Variants in IQSEC1 observed in about 807,000 individuals in gnomAD.
The protein encoded by IQSEC1 is IQ motif and SEC7 domain-containing protein 1.
In IQSEC1, 31 loss-of-function variants were observed where a neutral mutation model predicts 91.0. That is an observed-to-expected ratio of 0.34 (90% CI 0.26 to 0.46). The LOEUF (loss-of-function observed/expected upper bound fraction) is 0.46, where lower values mean the gene tolerates loss of function less well. Ranked by LOEUF, IQSEC1 falls within the 20% of genes least tolerant of loss-of-function variation. The pLI is 1.00. For missense variants in IQSEC1, 1,388 were observed against 1,575.6 expected (o/e 0.88, Z 2.02); for synonymous variants, 699 against 662.6 (o/e 1.05, Z -0.84).
intron 1 of IQSEC1, among the ~76,000 whole-genome samples, chr3:13,071,567 T>C (rs1164837263): frequency 2.0e-5 from 3 of 152,116 alleles, no homozygotes; most frequent in Admixed American, 1.3e-4. Context: ...TGGGAAAGGA[T>C]TTACTATTTG....
At chr3:13,142,921 T>G (rs915654954) in intron 2 of IQSEC1, among the ~76,000 whole-genome samples, 1 of 152,230 alleles carries the variant, frequency 6.6e-6, no homozygotes, top group African/African-American at 2.4e-5. Context: ...GTGCACCAGC[T>G]GCCCCTGCCT....
At chr3:13,067,947 C>A (rs995664779) in intron 1 of IQSEC1, among the ~76,000 whole-genome samples, 1 of 152,240 alleles carries the variant, frequency 6.6e-6, no homozygotes, top group Non-Finnish European at 1.5e-5. Context: ...CAACAAAGGG[C>A]CTCCAGGGAG....
At chr3:13,277,234 G>A (rs1424803350) in intron 1 of IQSEC1, among the ~76,000 whole-genome samples, 2 of 149,956 alleles carry the variant, frequency 1.3e-5, no homozygotes, top group Non-Finnish European at 3.0e-5. Context: ...AAACGCTGAT[G>A]TCCCCAAATG....
intron 1 of IQSEC1, among the ~76,000 whole-genome samples, chr3:13,222,282 G>T (rs2125076553): frequency 6.6e-6 from 1 of 152,204 alleles, no homozygotes; most frequent in East Asian, 1.9e-4. Flanking sequence ...TGTCGTCCAG[G>T]TTCATCCCTG....
intron 2 of IQSEC1, among the ~76,000 whole-genome samples, chr3:13,151,251 C>T (rs982706458): frequency 2.0e-5 from 3 of 152,092 alleles, no homozygotes; most frequent in Admixed American, 6.5e-5. Context: ...GAGAGGTGGA[C>T]GATGCTATCG....
chr3:13,095,954 G>C (rs1030925246), intron 2 of IQSEC1, among the ~76,000 whole-genome samples: 1 of 152,156 alleles, frequency 6.6e-6, no homozygotes, highest in African/African-American at 2.4e-5. Flanking sequence ...CATTTGGAAG[G>C]CATCATGATG....
rs573597856 is a variant in IQSEC1 at position 13,016,568 on chromosome 3, G to A, written c.23+56424C>T. Among the ~76,000 whole-genome samples, 42 of 152,176 alleles carry A rather than the reference G, an allele frequency of 2.8e-4. No individual in the cohort carries two copies. In the South Asian group the frequency reaches 3.3e-3, roughly 12 times the overall value. On this transcript the variant is annotated intron_variant, in intron 1 of 13. Transcript: ENST00000613206. ...CGGGGACTGCTCCTCCCGCCCTCTC[G>A]ACTCCTGCCAGCCTCCTCCTCTGTG... is the stretch of plus-strand genomic sequence containing the variant.
rs551263289 is a variant in IQSEC1 at position 13,139,479 on chromosome 3, C to A, written c.302+24625G>T. 5.3e-5 allele frequency among the ~76,000 whole-genome samples: 8 copies of A among 152,316 alleles called. 2 individuals are homozygous for A. The South Asian group carries it at 1.7e-3, about 32-fold the overall frequency. On this transcript the variant is annotated intron_variant, in intron 2 of 15. Coordinates refer to the IQSEC1 transcript ENST00000648114. ...CACTTCCCTCCCTAAGGCAGAAGAC[C>A]CCTGAGGGGCCACAGTCCCTAATCA...
intron 1 of IQSEC1, among the ~76,000 whole-genome samples, chr3:13,058,025 T>C (rs964183054): frequency 9.2e-5 from 14 of 152,120 alleles, no homozygotes; most frequent in Admixed American, 7.2e-4. Flanking sequence ...ATAATCCCCA[T>C]ACTTTGGGAG....
chr3:13,114,618 C>G (rs973866538), intron 2 of IQSEC1, among the ~76,000 whole-genome samples: 5 of 151,828 alleles, frequency 3.3e-5, no homozygotes, highest in African/African-American at 1.2e-4. Context: ...ATGGTGAAAC[C>G]CTGTCTCTAC....
chr3:13,215,001 C>A (rs941297387), intron 1 of IQSEC1, among the ~76,000 whole-genome samples: 4 of 152,106 alleles, frequency 2.6e-5, no homozygotes, highest in Non-Finnish European at 5.9e-5. Flanking sequence ...AGACATGGTT[C>A]AGGGCTGGCA....
chr3:13,064,643 G>A (rs1360347750), intron 1 of IQSEC1, among the ~76,000 whole-genome samples: 2 of 152,246 alleles, frequency 1.3e-5, no homozygotes, highest in African/African-American at 4.8e-5. Flanking sequence ...GAACATATCA[G>A]AGTCTGATCT....
chr3:13,024,400 TCCA>T (rs1703528624), intron 1 of IQSEC1, among the ~76,000 whole-genome samples: 1 of 148,302 alleles, frequency 6.7e-6, no homozygotes, highest in African/African-American at 2.5e-5. Context: ...CATCCATCCA[TCCA>T]TCCATCCATC....
chr3:12,998,457 A>G (rs1048870350), intron 1 of IQSEC1, among the ~76,000 whole-genome samples: 1 of 152,148 alleles, frequency 6.6e-6, no homozygotes, highest in African/African-American at 2.4e-5. Flanking sequence ...GGTAGGTGCA[A>G]TAAAGGATGT....
chr3:12,964,859 C>A (rs1164634194), intron 1 of IQSEC1, among the ~76,000 whole-genome samples: 1 of 152,224 alleles, frequency 6.6e-6, no homozygotes, highest in Non-Finnish European at 1.5e-5. Flanking sequence ...ATATACTGAG[C>A]TCCTGCAGCC....
chr3:13,087,935 C>T (rs748418275), intron 2 of IQSEC1, among the ~76,000 whole-genome samples: 5 of 152,170 alleles, frequency 3.3e-5, no homozygotes, highest in Non-Finnish European at 5.9e-5. Flanking sequence ...TAACATGAAC[C>T]CCTCCTGGCC....
At chr3:12,923,816 G>A (rs1696857770) in intron 4 of IQSEC1, among the ~76,000 whole-genome samples, 1 of 152,202 alleles carries the variant, frequency 6.6e-6, no homozygotes. Flanking sequence ...ACATGGGCAG[G>A]GCTGGGCGGC....
intron 2 of IQSEC1, among the ~76,000 whole-genome samples, chr3:12,937,967 G>A (rs962067291): frequency 6.6e-6 from 1 of 152,180 alleles, no homozygotes; most frequent in East Asian, 1.9e-4. Flanking sequence ...GGTGAACCCT[G>A]GGTGCTTCAG....
intron 1 of IQSEC1, among the ~76,000 whole-genome samples, chr3:13,244,688 A>T (rs1024109320): frequency 6.6e-6 from 1 of 152,184 alleles, no homozygotes; most frequent in Non-Finnish European, 1.5e-5. Context: ...GCATGCGATA[A>T]ATCAGTGGCA....
Sources: allele counts gnomAD v4.1 joint callset (sites outside exome capture counted in the v4.1 genomes callset), GRCh38; gene constraint gnomAD v4.1.1; transcripts MANE v1.5; gene names NCBI Gene and HGNC (gene_info 2026-07-23, HGNC 2026-07-21).